Variants in RALYL observed in about 807,000 individuals in gnomAD.
RALYL encodes the protein RALY RNA binding protein like, also known as RNA-binding Raly-like protein.
In RALYL, 29 loss-of-function variants were observed where a neutral mutation model predicts 35.1. That is an observed-to-expected ratio of 0.83 (90% CI 0.61 to 1.13). The LOEUF is 1.13. Ranked by LOEUF, RALYL falls within the 50% of genes most tolerant of loss-of-function variation. The pLI, the probability that RALYL is intolerant of heterozygous loss-of-function variation, is 0.00. For missense variants in RALYL, 359 were observed against 360.4 expected (o/e 1.00, Z 0.03); for synonymous variants, 120 against 127.6 (o/e 0.94, Z 0.40).
intron 2 of RALYL, among the ~76,000 whole-genome samples, chr8:84,756,402 G>A (rs955883440): frequency 6.6e-6 from 1 of 152,234 alleles, no homozygotes; most frequent in African/African-American, 2.4e-5. Flanking sequence ...AGAACACATA[G>A]CAGCCCCCAC....
intron 1 of RALYL, among the ~76,000 whole-genome samples, chr8:84,267,459 T>G (rs2131890464): frequency 6.6e-6 from 1 of 152,326 alleles, no homozygotes; most frequent in East Asian, 1.9e-4. Context: ...AAGCAAATTA[T>G]AAGTTCTTTG....
chr8:84,397,036 TA>T (rs2042405421), intron 1 of RALYL, among the ~76,000 whole-genome samples: 1 of 152,120 alleles, frequency 6.6e-6, no homozygotes, highest in Non-Finnish European at 1.5e-5. Flanking sequence ...AATCTTGGAT[TA>T]CCCAGTTGGG....
intron 2 of RALYL, among the ~76,000 whole-genome samples, chr8:84,630,662 A>C (rs577120476): frequency 6.6e-6 from 1 of 152,100 alleles, no homozygotes; most frequent in African/African-American, 2.4e-5. Flanking sequence ...AAAACTAAAC[A>C]CCAAAATATT....
At chr8:84,462,775 C>G (rs546276262) in intron 1 of RALYL, among the ~76,000 whole-genome samples, 1 of 151,624 alleles carries the variant, frequency 6.6e-6, no homozygotes, top group Non-Finnish European at 1.5e-5. Flanking sequence ...TCCAAACTAT[C>G]CCACACTTTT....
chr8:84,867,127 G>A (rs1839314184), intron 6 of RALYL, among the ~76,000 whole-genome samples: 1 of 152,176 alleles, frequency 6.6e-6, no homozygotes, highest in Non-Finnish European at 1.5e-5. Flanking sequence ...TTGACTGGTA[G>A]ATGACCATCT....
intron 1 of RALYL, among the ~76,000 whole-genome samples, chr8:84,420,780 C>T (rs2132381630): frequency 8.8e-6 from 1 of 113,054 alleles, no homozygotes; most frequent in Non-Finnish European, 1.8e-5. Context: ...GCCAGTTTTC[C>T]CAGCACCATT....
intron 2 of RALYL, among the ~76,000 whole-genome samples, chr8:84,645,088 C>T (rs1025014997): frequency 2.0e-5 from 3 of 151,936 alleles, no homozygotes; most frequent in African/African-American, 7.2e-5. Context: ...TTCAGTTTTG[C>T]TTTATAAGCC....
chr8:84,689,613 A>T (rs1490010340), intron 2 of RALYL, among the ~76,000 whole-genome samples: 1 of 152,076 alleles, frequency 6.6e-6, no homozygotes, highest in African/African-American at 2.4e-5. Flanking sequence ...TGGCTGGGTC[A>T]AATGGTATTT....
At chr8:84,362,035 A>G (rs371913354) in intron 1 of RALYL, among the ~76,000 whole-genome samples, 1 of 152,166 alleles carries the variant, frequency 6.6e-6, no homozygotes, top group Non-Finnish European at 1.5e-5. Context: ...CAGCCACTGT[A>G]CCTGATATGC....
At chr8:84,840,921 A>C (rs1341800788) in intron 4 of RALYL, among the ~76,000 whole-genome samples, 1 of 152,184 alleles carries the variant, frequency 6.6e-6, no homozygotes, top group African/African-American at 2.4e-5. Flanking sequence ...AAATGCTGAG[A>C]GATTTTGTCA....
At chr8:84,378,738 A>T (rs918472047) in intron 1 of RALYL, among the ~76,000 whole-genome samples, 1 of 151,718 alleles carries the variant, frequency 6.6e-6, no homozygotes, top group East Asian at 2.0e-4. Flanking sequence ...TCCTTGAGAC[A>T]CTTCACTTTT....
At chr8:84,517,341 C>G (rs1158492514) in intron 1 of RALYL, among the ~76,000 whole-genome samples, 1 of 152,082 alleles carries the variant, frequency 6.6e-6, no homozygotes, top group Non-Finnish European at 1.5e-5. Context: ...TACCCAAAGG[C>G]TAGGTCATAA....
intron 2 of RALYL, among the ~76,000 whole-genome samples, chr8:84,642,775 G>A (rs1290074756): frequency 1.3e-5 from 2 of 151,948 alleles, no homozygotes; most frequent in African/African-American, 4.8e-5. Flanking sequence ...AGGAGGTCAG[G>A]TTTTACAGAA....
intron 4 of RALYL, among the ~76,000 whole-genome samples, chr8:84,811,091 A>ACTT (rs907119965): frequency 1.3e-5 from 2 of 150,472 alleles, no homozygotes; most frequent in Non-Finnish European, 3.0e-5. Context: ...TTTAACTTAT[A>ACTT]CTTTTGTTTT....
chr8:84,505,445 T>A (rs1227437394), intron 1 of RALYL, among the ~76,000 whole-genome samples: 1 of 151,826 alleles, frequency 6.6e-6, no homozygotes, highest in East Asian at 1.9e-4. Context: ...CCATACATAT[T>A]ATTTACCAAC....
chr8:84,404,985 G>A (rs2043314279), intron 1 of RALYL, among the ~76,000 whole-genome samples: 1 of 152,126 alleles, frequency 6.6e-6, no homozygotes, highest in Admixed American at 6.5e-5. Context: ...TTCATCAAAT[G>A]CAAAAGAGTG....
chr8:84,532,223 T>TTTTGTTTG (rs899522046), intron 2 of RALYL, among the ~76,000 whole-genome samples: 1 of 152,038 alleles, frequency 6.6e-6, no homozygotes, highest in Non-Finnish European at 1.5e-5. Context: ...CCAGCGGTTT[T>TTTTGTTTG]TTTGTTTGTT....
At chr8:84,184,574 G>A in intron 1 of RALYL, 150 bp downstream of exon 1, 1 of 176,102 alleles carries the variant, frequency 5.7e-6, no homozygotes, top group Non-Finnish European at 1.2e-5. Flanking sequence ...GGAGAGCGGC[G>A]CAGGGAGCCA....
chr8:84,425,686 A>G (rs1230500923), intron 1 of RALYL, among the ~76,000 whole-genome samples: 1 of 152,110 alleles, frequency 6.6e-6, no homozygotes, highest in Admixed American at 6.5e-5. Flanking sequence ...TCCTGATGCT[A>G]TTGGAAGATT....
Sources: gnomAD v4.1 joint callset for allele counts (sites outside exome capture counted in the v4.1 genomes callset) on GRCh38, gnomAD v4.1.1 for gene constraint, MANE v1.5 for transcripts, NCBI Gene and HGNC (gene_info 2026-07-23, HGNC 2026-07-21) for gene names.